The following CNTNAP4 variants were observed in gnomAD, a reference collection of about 807,000 sequenced individuals.
CNTNAP4 encodes contactin-associated protein-like 4.
In CNTNAP4, 98 loss-of-function variants were observed where a neutral mutation model predicts 148.4. The ratio of observed to expected loss-of-function variants is 0.66; its 90% CI spans 0.56 to 0.78. CNTNAP4 has a LOEUF of 0.78. CNTNAP4 is among the 30% of genes least tolerant of loss of function. CNTNAP4 has a pLI of 0.00. For missense variants in CNTNAP4, 1,935 were observed against 1,565.6 expected (o/e 1.24, Z -3.98); for synonymous variants, 730 against 565.1 (o/e 1.29, Z -4.14).
chr16:76,469,088 A>C (rs1030932099), intron 10 of CNTNAP4, among the ~76,000 whole-genome samples: 2 of 152,186 alleles, frequency 1.3e-5, no homozygotes, highest in South Asian at 2.1e-4. Context: ...TGTCAATCCT[A>C]TTTTGAACAC....
At chr16:76,353,085 T>A (rs2012052938) in intron 2 of CNTNAP4, among the ~76,000 whole-genome samples, 1 of 152,112 alleles carries the variant, frequency 6.6e-6, no homozygotes, top group African/African-American at 2.4e-5. Flanking sequence ...TAAGAACAAA[T>A]ACAGAGAAAA....
intron 12 of CNTNAP4, among the ~76,000 whole-genome samples, chr16:76,482,009 ATTTT>A (rs10568011): frequency 8.7e-5 from 13 of 150,142 alleles, no homozygotes; most frequent in African/African-American, 1.2e-4. Context: ...TTATTTTTTT[ATTTT>A]TTTTTTTAAT....
chr16:76,449,032 G>C, intron 6 of CNTNAP4, 81 bp downstream of exon 6: 1 of 1,288,464 alleles, frequency 7.8e-7, no homozygotes, highest in South Asian at 1.3e-5. Flanking sequence ...ACACTATAAA[G>C]AGCCCACCTT....
At position 76,501,158 on chromosome 16, in the gene CNTNAP4, A is replaced by G. The variant is rs906257710; in HGVS notation, c.2365+2464A>G. Among the ~76,000 whole-genome samples, 5 of 152,360 alleles carry G rather than the reference A, an allele frequency of 3.3e-5. No individual in the cohort carries two copies. In the East Asian group the frequency reaches 9.7e-4, roughly 29 times the overall value. ...TATCACCTCTACTTCCTGTTCTACC[A>G]GTGAGCCTTACACAATCCCATGAAG... On this transcript the variant is annotated intron_variant, in intron 15 of 23. Transcript: ENST00000611870.
At chr16:76,505,466 A>G (rs1200091635) in intron 15 of CNTNAP4, among the ~76,000 whole-genome samples, 1 of 97,000 alleles carries the variant, frequency 1.0e-5, no homozygotes, top group Non-Finnish European at 2.9e-5. Flanking sequence ...TGCTGCAAGA[A>G]CTTTGAGGTG....
rs150549242 is a variant in CNTNAP4 at position 76,356,296 on chromosome 16, G to C, written c.390+785G>C. On this transcript the variant is annotated intron_variant, in intron 3 of 23. Coordinates refer to ENST00000611870, the MANE Select transcript of CNTNAP4 (RefSeq NM_033401.5). ...TGGGGATTTATATATATAATATGTG[G>C]AGTTGTATATGTATGTATATGCATA... Among the ~76,000 whole-genome samples the C allele has an allele frequency of 2.1e-4, 32 of 151,984 alleles. No homozygotes were observed. The East Asian group carries it at 6.0e-3, about 28-fold the overall frequency.
Position 76,476,026 on chromosome 16 carries a change from A to C in CNTNAP4, c.1743A>C (p.Arg581Ser), listed in dbSNP as rs139871494. The change falls in exon 11 of 24, where the codon AGA (arginine) becomes AGC (serine). Residue 581 changes from arginine (R) to serine (S), a missense_variant. Physicochemically the swap from Arg to Ser is moderately radical, Grantham distance 110. Coordinates refer to ENST00000611870, the MANE Select transcript of CNTNAP4 (RefSeq NM_033401.5). The part of the protein sequence containing the change: ...FHCNCTNTGY[R>S]GATCHNSIYE... ...GTAACTGTACCAACACTGGTTACAGAGGAGCTACTTGCCATAACTGTAAGC... is the reference window on the plus strand; with the variant it reads ...GTAACTGTACCAACACTGGTTACAGCGGAGCTACTTGCCATAACTGTAAGC... The C allele has an allele frequency of 1.9e-6, 3 of 1,611,734 alleles. No homozygotes were observed. The highest frequency in any genetic ancestry group is 2.7e-5 in the African/African-American group (2 of 74,868).
chr16:76,526,830 C>T (rs913538944), intron 17 of CNTNAP4, among the ~76,000 whole-genome samples: 7 of 152,020 alleles, frequency 4.6e-5, no homozygotes, highest in Non-Finnish European at 8.8e-5. Context: ...CATGCCACCA[C>T]GCTTGGCTAA....
At chr16:76,461,817 C>G in intron 8 of CNTNAP4, 139 bp from the exon 9 acceptor site, 5 of 644,622 alleles carry the variant, frequency 7.8e-6, no homozygotes. Flanking sequence ...TCTCCCTTTC[C>G]TTGTTGATGT....
chr16:76,397,435 C>A (rs1801578442), intron 3 of CNTNAP4, among the ~76,000 whole-genome samples: 1 of 151,754 alleles, frequency 6.6e-6, no homozygotes, highest in Non-Finnish European at 1.5e-5. Context: ...CCATTTTCTC[C>A]TTTTCAAGGA....
chr16:76,510,919 T>C (rs1178217736), intron 15 of CNTNAP4, among the ~76,000 whole-genome samples: 1 of 152,148 alleles, frequency 6.6e-6, no homozygotes, highest in Non-Finnish European at 1.5e-5. Context: ...TTTTTCACCT[T>C]GTATGTGACT....
chr16:76,466,482 T>C (rs906582332), intron 9 of CNTNAP4, among the ~76,000 whole-genome samples: 5 of 152,170 alleles, frequency 3.3e-5, no homozygotes, highest in African/African-American at 1.2e-4. Context: ...TTATTTCACT[T>C]TGCATGCCTG....
At chr16:76,408,726 T>G (rs1242124459) in intron 3 of CNTNAP4, among the ~76,000 whole-genome samples, 1 of 152,094 alleles carries the variant, frequency 6.6e-6, no homozygotes, top group African/African-American at 2.4e-5. Flanking sequence ...AATAGTTAAC[T>G]GGAAAACAGC....
chr16:76,308,232 A>G (rs745829626), intron 1 of CNTNAP4, among the ~76,000 whole-genome samples: 18 of 152,192 alleles, frequency 1.2e-4, no homozygotes, highest in Admixed American at 1.1e-3. Context: ...TTTCATGTCA[A>G]TGTCAAATTA....
At chr16:76,471,955 C>G (rs1411078087) in intron 10 of CNTNAP4, among the ~76,000 whole-genome samples, 1 of 152,158 alleles carries the variant, frequency 6.6e-6, no homozygotes, top group African/African-American at 2.4e-5. Context: ...TCCAGCAAAC[C>G]TTTACATTGT....
intron 2 of CNTNAP4, among the ~76,000 whole-genome samples, chr16:76,316,906 C>G (rs1442839707): frequency 6.6e-6 from 1 of 152,112 alleles, no homozygotes; most frequent in Non-Finnish European, 1.5e-5. Context: ...TTTGGATTCT[C>G]AATGTGGTTG....
At chr16:76,370,908 G>A (rs929096179) in intron 3 of CNTNAP4, among the ~76,000 whole-genome samples, 9 of 151,798 alleles carry the variant, frequency 5.9e-5, no homozygotes, top group Non-Finnish European at 1.3e-4. Context: ...AGTGCCACAT[G>A]TATAAAATGT....
intron 12 of CNTNAP4, among the ~76,000 whole-genome samples, chr16:76,483,908 T>C (rs1412224679): frequency 6.6e-6 from 1 of 152,194 alleles, no homozygotes; most frequent in Non-Finnish European, 1.5e-5. Context: ...GTGTGATGAA[T>C]ATCGACTATA....
At chr16:76,313,797 C>T (rs1320188368) in intron 1 of CNTNAP4, among the ~76,000 whole-genome samples, 1 of 152,036 alleles carries the variant, frequency 6.6e-6, no homozygotes, top group Non-Finnish European at 1.5e-5. Context: ...CTAGATAATT[C>T]TTAGATTTAT....
Sources: gnomAD v4.1 joint callset for allele counts (sites outside exome capture counted in the v4.1 genomes callset) on GRCh38, gnomAD v4.1.1 for gene constraint, MANE v1.5 for transcripts, NCBI Gene and HGNC (gene_info 2026-07-23, HGNC 2026-07-21) for gene names.